Variants in CLDN14 observed in about 807,000 individuals in gnomAD.
CLDN14 encodes claudin-14.
CLDN14 carries 2 observed loss-of-function variants against 2.1 expected under a neutral mutation model. That is an observed-to-expected ratio of 0.96 (90% CI 0.39 to 3.01). The LOEUF is 3.01. Ranked by LOEUF, CLDN14 falls within the 30% of genes most tolerant of loss-of-function variation. CLDN14 has a pLI of 0.09. For missense variants in CLDN14, 298 were observed against 328.0 expected (o/e 0.91, Z 0.71); for synonymous variants, 136 against 154.4 (o/e 0.88, Z 0.88).
intron 1 of CLDN14, among the ~76,000 whole-genome samples, chr21:36,540,575 T>A (rs2087480550): frequency 2.0e-5 from 3 of 151,946 alleles, no homozygotes; most frequent in African/African-American, 7.3e-5. Flanking sequence ...GAAATCCCAC[T>A]CGTTCCTGCC....
At chr21:36,554,244 G>A (rs569552061) in intron 1 of CLDN14, among the ~76,000 whole-genome samples, 6 of 152,206 alleles carry the variant, frequency 3.9e-5, no homozygotes, top group South Asian at 4.1e-4. Context: ...CCCTGGGCTC[G>A]GCGGTGCCTC....
intron 1 of CLDN14, among the ~76,000 whole-genome samples, chr21:36,549,765 T>G (rs1243204437): frequency 6.6e-6 from 1 of 152,206 alleles, no homozygotes; most frequent in African/African-American, 2.4e-5. Context: ...ACTTCCTCTC[T>G]TCCTTCAGGT....
chr21:36,525,167 G>C (rs1056952881), intron 1 of CLDN14, among the ~76,000 whole-genome samples: 1 of 152,148 alleles, frequency 6.6e-6, no homozygotes. Context: ...GCCCAGCCCT[G>C]TGACCTCGAG....
chr21:36,535,614 C>T (rs2087417970), intron 1 of CLDN14, among the ~76,000 whole-genome samples: 1 of 152,026 alleles, frequency 6.6e-6, no homozygotes, highest in African/African-American at 2.4e-5. Context: ...CATGTATAGT[C>T]ATGTTTTATT....
At position 36,461,030 on chromosome 21, in the gene CLDN14, G is replaced by A. The variant is rs2086560228; in HGVS notation, c.666C>T (p.Ala222=). The change falls in exon 2 of 2, where the codon GCC becomes GCT. Residue 222 remains alanine, a synonymous_variant. Coordinates refer to ENST00000399135, the MANE Select transcript of CLDN14 (RefSeq NM_001146079.2). ...TGTGCGTGGCCGAGGTCACTGAGGG[G>A]GCCCGATTGTCTTTGTAGGCAGCTG... ...QPPAAYKDNR[A]PSVTSATHSG... 6.2e-7 allele frequency: 1 copy of A among 1,613,568 alleles called. No homozygotes were observed. Among genetic ancestry groups the A allele is most frequent in the African/African-American group, 1.3e-5 (1 of 74,928 alleles).
At chr21:36,477,542 A>G (rs2086793351) in intron 1 of CLDN14, 1 of 152,176 alleles carries the variant, frequency 6.6e-6, no homozygotes, top group Non-Finnish European at 1.5e-5. Context: ...AAAGCTGTAG[A>G]TGAGCATGTG....
In CLDN14 at chr21:36,523,781, G is replaced by GAGAAAGAA. The variant is rs56772352; in HGVS notation, c.-219-13289_-219-13282dup. 7.6e-3 allele frequency among the ~76,000 whole-genome samples: 290 copies of GAGAAAGAA among 38,158 alleles called. 9 individuals carry two copies. Among genetic ancestry groups the GAGAAAGAA allele is most frequent in the African/African-American group, 0.019 (252 of 13,616 alleles). The allele number at this position is 38,158 out of a possible 152,430, so 25.0% of individuals were successfully genotyped here. A position where few individuals can be genotyped will look rare whatever the true frequency, so the allele number is the denominator to read the frequency against. Reference sequence around the variant, plus strand: ...AAAAAAAGAAAGAAAGAGAGAAAGAGAGAAAGAAAGAAAGAAAGAAAGAAA... The same window carrying GAGAAAGAA: ...AAAAAAAGAAAGAAAGAGAGAAAGAGAGAAAGAAAGAAAGAAAGAAAGAAAGAAAGAAA... On this transcript the variant is annotated intron_variant, in intron 1 of 2. Coordinates refer to the CLDN14 transcript ENST00000342108.
At chr21:36,538,675 C>T (rs2087452756) in intron 1 of CLDN14, among the ~76,000 whole-genome samples, 1 of 152,122 alleles carries the variant, frequency 6.6e-6, no homozygotes, top group South Asian at 2.1e-4. Flanking sequence ...CTCTGCCCAG[C>T]GTCCAGCAGC....
At chr21:36,533,705 C>G (rs2087400135) in intron 1 of CLDN14, among the ~76,000 whole-genome samples, 1 of 152,112 alleles carries the variant, frequency 6.6e-6, no homozygotes, top group Admixed American at 6.6e-5. Flanking sequence ...GTGGGTGGAG[C>G]TGGAGGCCAT....
chr21:36,463,301 C>A (rs773546697), intron 1 of CLDN14, among the ~76,000 whole-genome samples: 2 of 152,250 alleles, frequency 1.3e-5, no homozygotes, highest in African/African-American at 2.4e-5. Context: ...AGCAAAGAAT[C>A]AGTAGGCAAA....
rs1382767733 is a variant in CLDN14, at chr21:36,544,791, C to T, written c.-220+31620G>A. ...ACAGGGGCAAGACTGCAAGGACATCCGCGAAGTAAGACATGTGCACAGAGC... is the reference window on the plus strand; with the variant it reads ...ACAGGGGCAAGACTGCAAGGACATCTGCGAAGTAAGACATGTGCACAGAGC... On this transcript the variant is annotated intron_variant, in intron 1 of 2. Coordinates refer to the CLDN14 transcript ENST00000342108. This position sits in a 1 kb window ranked among gnomAD's most constrained non-coding sequence, Gnocchi z 4.1. Among the ~76,000 whole-genome samples, 3 of 152,132 alleles carry T rather than the reference C, an allele frequency of 2.0e-5. No individual in the cohort carries two copies. The highest frequency in any genetic ancestry group is 4.4e-5 in the Non-Finnish European group (3 of 68,022).
At chr21:36,465,633 G>A (rs890899717) in intron 1 of CLDN14, among the ~76,000 whole-genome samples, 1 of 152,184 alleles carries the variant, frequency 6.6e-6, no homozygotes, top group Non-Finnish European at 1.5e-5. Flanking sequence ...GTGATGCTCC[G>A]GAAGCGCCCT....
chr21:36,528,743 AG>A (rs1241383684), intron 1 of CLDN14, among the ~76,000 whole-genome samples: 1 of 152,244 alleles, frequency 6.6e-6, no homozygotes, highest in African/African-American at 2.4e-5. Context: ...CCTCAGTGAA[AG>A]AATCTGCTTG....
At position 36,575,563 on chromosome 21, in the gene CLDN14, C is replaced by T. The variant is rs532161050; in HGVS notation, c.-220+848G>A. On this transcript the variant is annotated intron_variant, in intron 1 of 2. Transcript: ENST00000342108. The stretch of plus-strand genomic sequence containing the variant: ...TCACTAATGCTTTAGCCAAAGGGAA[C>T]AAAAAAAACCACAAGCAAGTGCCAC... Among the ~76,000 whole-genome samples, 15 of 151,854 alleles carry T rather than the reference C, an allele frequency of 9.9e-5. No individual in the cohort carries two copies. In the South Asian group the frequency reaches 2.9e-3, roughly 30 times the overall value.
intron 1 of CLDN14, among the ~76,000 whole-genome samples, chr21:36,531,458 T>A (rs112204241): frequency 1.3e-5 from 2 of 151,526 alleles, no homozygotes; most frequent in Non-Finnish European, 2.9e-5. Flanking sequence ...ACAGACAGGG[T>A]TTCACCCTGT....
chr21:36,558,054 G>A lies in CLDN14; in HGVS notation c.-220+18357C>T, dbSNP rs183363629. ...GAGACTGTCCTTTCTCTGGTGTACC[G>A]GTATTACTGTCACCCTTGTCAAAAA... On this transcript the variant is annotated intron_variant, in intron 1 of 2. Coordinates refer to the CLDN14 transcript ENST00000342108. Among the ~76,000 whole-genome samples the A allele has an allele frequency of 1.8e-4, 27 of 152,156 alleles. No homozygotes were observed. The East Asian group carries it at 3.7e-3, about 21-fold the overall frequency.
intron 1 of CLDN14, among the ~76,000 whole-genome samples, chr21:36,533,168 G>C (rs1365574789): frequency 6.6e-6 from 1 of 152,208 alleles, no homozygotes; most frequent in East Asian, 1.9e-4. Context: ...TAGCTCGGGT[G>C]GGGCTGCACA....
At chr21:36,548,000 C>T (rs2087537013) in intron 1 of CLDN14, among the ~76,000 whole-genome samples, 1 of 152,162 alleles carries the variant, frequency 6.6e-6, no homozygotes, top group Non-Finnish European at 1.5e-5. Flanking sequence ...TTTTGGCTGA[C>T]CTTGGTCCCC....
intron 1 of CLDN14, among the ~76,000 whole-genome samples, chr21:36,471,335 T>C (rs1474527372): frequency 1.3e-5 from 2 of 152,176 alleles, no homozygotes; most frequent in African/African-American, 4.8e-5. Flanking sequence ...CCCCTGCAAA[T>C]TTGAAAATTC....
Sources: gnomAD v4.1 joint callset for allele counts (sites outside exome capture counted in the v4.1 genomes callset) on GRCh38, gnomAD v4.1.1 for gene constraint, Gnocchi (gnomAD v3.1) non-coding constraint, MANE v1.5 for transcripts, NCBI Gene and HGNC (gene_info 2026-07-23, HGNC 2026-07-21) for gene names.